The following GAS2 variants were observed in gnomAD, a reference collection of about 807,000 sequenced individuals.
GAS2 encodes the protein growth arrest-specific protein 2.
GAS2 carries 20 observed loss-of-function variants against 37.5 expected under a neutral mutation model. That is an observed-to-expected ratio of 0.53 (90% CI 0.37 to 0.77). The LOEUF (loss-of-function observed/expected upper bound fraction) is 0.77. Ranked by LOEUF, GAS2 falls within the 30% of genes least tolerant of loss-of-function variation. The probability of loss-of-function intolerance (pLI) is 0.00; values close to 1 mark genes in which losing one functional copy is unlikely to be tolerated. For missense variants in GAS2, 336 were observed against 373.4 expected (o/e 0.90, Z 0.82); for synonymous variants, 144 against 132.2 (o/e 1.09, Z -0.61).
At chr11:22,691,828 T>G (rs543627216) in intron 3 of GAS2, among the ~76,000 whole-genome samples, 49 of 152,330 alleles carry the variant, frequency 3.2e-4, no homozygotes, top group Non-Finnish European at 3.1e-4. Context: ...TTATTTACTT[T>G]GTAATTGCTT....
At chr11:22,761,168 T>C (rs1854374255) in intron 7 of GAS2, among the ~76,000 whole-genome samples, 1 of 152,214 alleles carries the variant, frequency 6.6e-6, no homozygotes, top group African/African-American at 2.4e-5. Context: ...TCTTTCCTTA[T>C]CTTTGCAGAC....
intron 1 of GAS2, among the ~76,000 whole-genome samples, chr11:22,668,989 T>C (rs1287732457): frequency 1.3e-5 from 2 of 152,216 alleles, no homozygotes; most frequent in East Asian, 3.8e-4. Flanking sequence ...TAATCTGCTG[T>C]CAAAATTAAG....
At chr11:22,632,619 C>T (rs1858758818) in intron 1 of GAS2, among the ~76,000 whole-genome samples, 1 of 152,094 alleles carries the variant, frequency 6.6e-6, no homozygotes, top group African/African-American at 2.4e-5. Flanking sequence ...GGGAAGTTTT[C>T]CTTAATTATT....
chr11:22,634,125 G>A (rs147231742), intron 1 of GAS2, among the ~76,000 whole-genome samples: 2 of 152,278 alleles, frequency 1.3e-5, no homozygotes, highest in Admixed American at 1.3e-4. Flanking sequence ...CACATTCATG[G>A]CGGAACATGA....
intron 1 of GAS2, among the ~76,000 whole-genome samples, chr11:22,651,453 T>G (rs1338758885): frequency 6.6e-6 from 1 of 152,190 alleles, no homozygotes; most frequent in Non-Finnish European, 1.5e-5. Flanking sequence ...TTCCTGAATC[T>G]GAACGTTGGC....
chr11:22,799,289 A>G (rs1360940371), intron 7 of GAS2, among the ~76,000 whole-genome samples: 1 of 152,084 alleles, frequency 6.6e-6, no homozygotes, highest in Non-Finnish European at 1.5e-5. Context: ...ATGGCACTTA[A>G]GCATTAAAAG....
At chr11:22,692,992 A>T (rs1850326591) in intron 3 of GAS2, among the ~76,000 whole-genome samples, 1 of 152,010 alleles carries the variant, frequency 6.6e-6, no homozygotes, top group African/African-American at 2.4e-5. Flanking sequence ...AGTTGGCAGA[A>T]CCCCTTTCTG....
chr11:22,695,794 T>C (rs2133992134), intron 3 of GAS2, among the ~76,000 whole-genome samples: 1 of 152,262 alleles, frequency 6.6e-6, no homozygotes, highest in Non-Finnish European at 1.5e-5. Context: ...AATTTCAAAA[T>C]TTGTAATATT....
intron 1 of GAS2, among the ~76,000 whole-genome samples, chr11:22,631,146 A>G (rs566515196): frequency 6.6e-6 from 1 of 152,186 alleles, no homozygotes; most frequent in Admixed American, 6.5e-5. Context: ...CTCAGCTTGG[A>G]CACTATTGGT....
At chr11:22,671,230 C>A (rs183732164) in intron 1 of GAS2, among the ~76,000 whole-genome samples, 46 of 152,184 alleles carry the variant, frequency 3.0e-4, no homozygotes, top group African/African-American at 8.9e-4. Flanking sequence ...AATATATACA[C>A]ACACAGTCTT....
At chr11:22,752,473 C>A (rs985144826) in intron 6 of GAS2, among the ~76,000 whole-genome samples, 6 of 151,906 alleles carry the variant, frequency 3.9e-5, no homozygotes, top group Non-Finnish European at 8.8e-5. Flanking sequence ...CCTATAGTAA[C>A]TGCTTCACTG....
intron 6 of GAS2, among the ~76,000 whole-genome samples, chr11:22,753,257 A>G (rs1026200739): frequency 2.6e-5 from 4 of 152,020 alleles, no homozygotes; most frequent in Non-Finnish European, 5.9e-5. Context: ...CTGTTTACTT[A>G]ACAATATATT....
intron 1 of GAS2, among the ~76,000 whole-genome samples, chr11:22,633,346 G>C (rs1287292233): frequency 6.6e-6 from 1 of 152,160 alleles, no homozygotes; most frequent in East Asian, 1.9e-4. Flanking sequence ...ACATCTGTAT[G>C]AACTCCTTGG....
intron 3 of GAS2, among the ~76,000 whole-genome samples, chr11:22,699,102 C>G (rs1850694983): frequency 6.6e-6 from 1 of 152,286 alleles, no homozygotes; most frequent in East Asian, 1.9e-4. Flanking sequence ...TTCTATTCCA[C>G]AGTTGTGTTC....
chr11:22,646,966 C>A (rs34152274), intron 1 of GAS2, among the ~76,000 whole-genome samples: 33,683 of 150,480 alleles, frequency 0.22, 4,632 homozygotes, highest in African/African-American at 0.38. Context: ...TACATGTGCA[C>A]AATGTGCAGG....
intron 3 of GAS2, among the ~76,000 whole-genome samples, chr11:22,701,026 T>C (rs1850812215): frequency 6.6e-6 from 1 of 152,202 alleles, no homozygotes; most frequent in Non-Finnish European, 1.5e-5. Flanking sequence ...ACCTTTATTT[T>C]CTATCAGAGC....
At chr11:22,721,530 C>T (rs1469892550) in intron 3 of GAS2, among the ~76,000 whole-genome samples, 1 of 151,982 alleles carries the variant, frequency 6.6e-6, no homozygotes, top group Non-Finnish European at 1.5e-5. Context: ...TAGTCAAACA[C>T]CACACTTTAT....
At chr11:22,669,995 C>T (rs1019498912) in intron 1 of GAS2, among the ~76,000 whole-genome samples, 1 of 152,142 alleles carries the variant, frequency 6.6e-6, no homozygotes, top group African/African-American at 2.4e-5. Flanking sequence ...GAAGAACTCA[C>T]AATGATGAAA....
At chr11:22,667,839 C>G (rs1404800957) in intron 1 of GAS2, among the ~76,000 whole-genome samples, 1 of 152,120 alleles carries the variant, frequency 6.6e-6, no homozygotes, top group East Asian at 1.9e-4. Context: ...AGTCTTTACC[C>G]TCTCCATCTT....
Sources: gnomAD v4.1 joint callset for allele counts (sites outside exome capture counted in the v4.1 genomes callset) on GRCh38, gnomAD v4.1.1 for gene constraint, MANE v1.5 for transcripts, NCBI Gene and HGNC (gene_info 2026-07-23, HGNC 2026-07-21) for gene names.